Variants in OR4Q3 observed in about 807,000 individuals in gnomAD.
OR4Q3 encodes the protein olfactory receptor family 4 subfamily Q member 3.
Under a neutral mutation model 18.8 loss-of-function variants are expected in OR4Q3, and 17 were observed. That is an observed-to-expected ratio of 0.91 (90% confidence interval 0.62 to 1.36). The LOEUF (loss-of-function observed/expected upper bound fraction) is 1.36. Among genes scored for constraint, OR4Q3 ranks in the 40% most tolerant of loss-of-function variants. The pLI is 0.00. For synonymous variants in OR4Q3, 158 were observed against 145.8 expected (o/e 1.08, Z -0.60); for missense variants, 378 against 373.4 (o/e 1.01, Z -0.10).
exon 2 of OR4Q3, chr14:19,748,297 C>A: frequency 1.2e-5 from 19 of 1,613,718 alleles, no homozygotes; most frequent in African/African-American, 2.7e-5. Context: ...TCTACACACT[C>A]AGAAATACTG....
chr14:19,745,699 G>A, intron 1 of OR4Q3, among the ~76,000 whole-genome samples: 1 of 152,190 alleles, frequency 6.6e-6, no homozygotes, highest in Non-Finnish European at 1.5e-5. Context: ...ACATCAAAAT[G>A]AGATTTTCTT....
intron 1 of OR4Q3, among the ~76,000 whole-genome samples, chr14:19,745,925 C>G: frequency 6.6e-6 from 1 of 152,256 alleles, no homozygotes; most frequent in Non-Finnish European, 1.5e-5. Flanking sequence ...GCTATATAGG[C>G]AGATGAAGAG....
chr14:19,751,982 T>G, downstream of OR4Q3, among the ~76,000 whole-genome samples: 1 of 152,356 alleles, frequency 6.6e-6, no homozygotes, highest in South Asian at 2.1e-4. Context: ...TGCAGGAAGA[T>G]GAAGCTAGAC....
intron 1 of OR4Q3, among the ~76,000 whole-genome samples, chr14:19,743,958 G>A (rs1303198481): frequency 6.6e-6 from 1 of 152,172 alleles, no homozygotes; most frequent in Non-Finnish European, 1.5e-5. Flanking sequence ...ATAATGGAAG[G>A]CATGGGTTTC....
At chr14:19,746,297 T>C in intron 1 of OR4Q3, among the ~76,000 whole-genome samples, 1 of 152,154 alleles carries the variant, frequency 6.6e-6, no homozygotes, top group African/African-American at 2.4e-5. Flanking sequence ...ATGGAAGAAA[T>C]GTATCAATGT....
At chr14:19,748,204 T>C in exon 2 of OR4Q3, 4 of 1,614,096 alleles carry the variant, frequency 2.5e-6, no homozygotes, top group Non-Finnish European at 3.4e-6. Context: ...TATTCATCTA[T>C]TTGAGGCCTT....
chr14:19,748,371 G>C lies in OR4Q3; in HGVS notation c.*2G>C. ...TGTGGCATTCCATTGCCTTGTTAAGGAATGAGCAGAAGAGGTGATTTGAAA... is the reference window on the plus strand; with the variant it reads ...TGTGGCATTCCATTGCCTTGTTAAGCAATGAGCAGAAGAGGTGATTTGAAA... On this transcript the variant is annotated 3_prime_UTR_variant, in exon 2 of 2. Transcript: ENST00000642117. The C allele has an allele frequency of 2.5e-6, 4 of 1,589,964 alleles. No individual in the cohort carries two copies. In the Admixed American group the frequency reaches 6.8e-5, roughly 27 times the overall value.
At chr14:19,745,426 A>G in intron 1 of OR4Q3, among the ~76,000 whole-genome samples, 2 of 152,170 alleles carry the variant, frequency 1.3e-5, no homozygotes, top group African/African-American at 4.8e-5. Context: ...AGTGTACCAT[A>G]CACCTTTGGT....
chr14:19,744,974 A>T, intron 1 of OR4Q3, among the ~76,000 whole-genome samples: 1 of 152,190 alleles, frequency 6.6e-6, no homozygotes, highest in Non-Finnish European at 1.5e-5. Context: ...TACTAAACCT[A>T]AAAGGGAGCT....
Position 19,747,644 on chromosome 14 carries a change from T to G in OR4Q3, c.241T>G (p.Cys81Gly). 3 of 1,613,968 alleles carry G rather than the reference T, an allele frequency of 1.9e-6. No individual in the cohort carries two copies. In the African/African-American group the frequency reaches 4.0e-5, roughly 22 times the overall value. ...AGGTCATCTCTCTTTCATTGACCTA[T>G]GCCTGAGCTGTGTTACTGTGCCAAA... Residue 81 changes from cysteine (C) to glycine (G), a missense_variant, in exon 2 of 2, where the codon TGC becomes GGC. By Grantham distance (159) the Cys-to-Gly change is radical. Transcript: ENST00000642117.
intron 1 of OR4Q3, among the ~76,000 whole-genome samples, 195 bp downstream of exon 1, chr14:19,743,866 T>C (rs1254737148): frequency 2.0e-5 from 3 of 152,200 alleles, no homozygotes; most frequent in African/African-American, 7.2e-5. Context: ...ACAGTGAAAT[T>C]CCTATAGCAT....
chr14:19,752,010 T>C, downstream of OR4Q3, among the ~76,000 whole-genome samples: 1 of 152,244 alleles, frequency 6.6e-6, no homozygotes, highest in Non-Finnish European at 1.5e-5. Flanking sequence ...TTTCAGCATA[T>C]AAGAAAATTA....
chr14:19,748,901 T>C, exon 2 of OR4Q3: 1 of 155,200 alleles, frequency 6.4e-6, no homozygotes, highest in Non-Finnish European at 1.4e-5. Flanking sequence ...TGTTCCACAG[T>C]GTCCCAAGTT....
At chr14:19,748,085 G>A in exon 2 of OR4Q3, 2 of 1,614,052 alleles carry the variant, frequency 1.2e-6, no homozygotes, top group South Asian at 1.1e-5. Context: ...ATTCTCTTAT[G>A]CTATCATCCT....
chr14:19,744,195 T>C (rs1877377464), intron 1 of OR4Q3, among the ~76,000 whole-genome samples: 1 of 152,202 alleles, frequency 6.6e-6, no homozygotes, highest in African/African-American at 2.4e-5. Context: ...ACTAATGGTG[T>C]GTCCACTTCT....
exon 2 of OR4Q3, chr14:19,747,854 C>T: frequency 6.2e-7 from 1 of 1,614,034 alleles, no homozygotes; most frequent in South Asian, 1.1e-5. Flanking sequence ...CCAGCTATGC[C>T]TTTGGTTGGT....
At chr14:19,749,604 C>CA, downstream of OR4Q3, 112 of 34,564 alleles carry the variant, frequency 3.2e-3, 4 homozygotes, top group South Asian at 7.9e-3. Flanking sequence ...GGTCTCAAAG[C>CA]AAAAAAAAAA....
At chr14:19,751,728 G>A, downstream of OR4Q3, among the ~76,000 whole-genome samples, 4 of 151,942 alleles carry the variant, frequency 2.6e-5, no homozygotes, top group African/African-American at 9.7e-5. Context: ...TGTGGGATCA[G>A]TTGTAATGTC....
intron 1 of OR4Q3, among the ~76,000 whole-genome samples, chr14:19,745,780 G>A: frequency 6.6e-6 from 1 of 152,284 alleles, no homozygotes; most frequent in African/African-American, 2.4e-5. Context: ...GCTCAAGTGA[G>A]GCTGTACATG....
Sources: allele counts gnomAD v4.1 joint callset (sites outside exome capture counted in the v4.1 genomes callset), GRCh38; gene constraint gnomAD v4.1.1; transcripts MANE v1.5; gene names NCBI Gene and HGNC (gene_info 2026-07-23, HGNC 2026-07-21).